The following NUP88 variants were observed in gnomAD, a reference collection of about 807,000 sequenced individuals.
The protein encoded by NUP88 is nuclear pore complex protein Nup88.
In NUP88, 57 loss-of-function variants were observed where a neutral mutation model predicts 93.9. That is an observed-to-expected ratio of 0.61 (90% CI 0.49 to 0.76). The LOEUF is 0.76. Ranked by LOEUF, NUP88 falls within the 30% of genes least tolerant of loss-of-function variation. The pLI is 0.00. For missense variants in NUP88, 911 were observed against 901.0 expected, an observed-to-expected ratio of 1.01 and a Z score of -0.14; for synonymous variants, 346 against 336.8, an observed-to-expected ratio of 1.03 and a Z score of -0.30.
At chr17:5,393,808 C>G in intron 9 of NUP88, among the ~76,000 whole-genome samples, 1 of 152,178 alleles carries the variant, frequency 6.6e-6, no homozygotes, top group East Asian at 1.9e-4. Flanking sequence ...CCCTGTGGTC[C>G]TCTGTATTGC....
At chr17:5,416,158 A>AGTATATATATTTAT (rs1398677145) in intron 2 of NUP88, among the ~76,000 whole-genome samples, 1 of 94,040 alleles carries the variant, frequency 1.1e-5, no homozygotes, top group Non-Finnish European at 2.0e-5. Flanking sequence ...AAAAAAAAAA[A>AGTATATATATTTAT]AAAAAAAAGT....
At chr17:5,410,313 T>G (rs2151645763) in intron 4 of NUP88, among the ~76,000 whole-genome samples, 1 of 152,300 alleles carries the variant, frequency 6.6e-6, no homozygotes, top group East Asian at 1.9e-4. Flanking sequence ...TTTACTGTAG[T>G]TATTCAGGAA....
chr17:5,403,148 A>G (rs188099879), intron 7 of NUP88, among the ~76,000 whole-genome samples: 209 of 152,280 alleles, frequency 1.4e-3, no homozygotes, highest in African/African-American at 4.5e-3. Context: ...GTTTGAGACC[A>G]GCCTGGCCAA....
chr17:5,411,146 A>G (rs566205972), intron 3 of NUP88, among the ~76,000 whole-genome samples: 2 of 152,256 alleles, frequency 1.3e-5, no homozygotes, highest in Non-Finnish European at 2.9e-5. Context: ...ACACACATCT[A>G]TCTCTGCCTA....
At chr17:5,396,802 T>C (rs554929810) in intron 8 of NUP88, among the ~76,000 whole-genome samples, 11 of 152,362 alleles carry the variant, frequency 7.2e-5, no homozygotes, top group Non-Finnish European at 1.0e-4. Context: ...TTAATGTCCA[T>C]CTTTTTCATT....
chr17:5,388,886 C>G lies in NUP88; in HGVS notation c.1559G>C (p.Arg520Pro), dbSNP rs149123666. 5.0e-6 allele frequency: 8 copies of G among 1,613,780 alleles called. No homozygotes were observed. The highest frequency in any genetic ancestry group is 6.8e-6 in the Non-Finnish European group (8 of 1,179,894). Residue 520 changes from arginine to proline, a missense_variant, in exon 11 of 17, where the codon CGT becomes CCT. By Grantham distance (103) the Arg-to-Pro change is moderately radical. Transcript: ENST00000573584. ...EDVEVAESPL[R>P]VLAETPDSFE... ...GGAATCTGGGGTTTCAGCCAGAACA[C>G]GGAGGGGAGACTCTGCCACTTCAAC... is the stretch of plus-strand genomic sequence containing the variant.
intron 8 of NUP88, among the ~76,000 whole-genome samples, chr17:5,397,397 CTT>C (rs998559430): frequency 6.6e-6 from 1 of 151,668 alleles, no homozygotes; most frequent in African/African-American, 2.4e-5. Context: ...TCCGGGCAGA[CTT>C]AATGTTACCA....
intron 7 of NUP88, among the ~76,000 whole-genome samples, chr17:5,400,924 G>T (rs1913122449): frequency 6.6e-6 from 1 of 152,114 alleles, no homozygotes; most frequent in South Asian, 2.1e-4. Flanking sequence ...ATGAGTAGTT[G>T]TTATACAATT....
chr17:5,413,954 A>G, intron 3 of NUP88, 55 bp downstream of exon 3: 1 of 1,594,332 alleles, frequency 6.3e-7, no homozygotes, highest in Middle Eastern at 1.7e-4. Flanking sequence ...TAATTGGCAA[A>G]CAGAAACAGA....
intron 10 of NUP88, 60 bp downstream of exon 10, chr17:5,391,501 C>A: frequency 7.1e-7 from 1 of 1,406,702 alleles, no homozygotes; most frequent in Non-Finnish European, 1.0e-6. Context: ...AGTGCATTTT[C>A]CCAACTTAGA....
chr17:5,416,065 A>C (rs1188817075), intron 2 of NUP88, among the ~76,000 whole-genome samples: 2 of 117,542 alleles, frequency 1.7e-5, no homozygotes, highest in Non-Finnish European at 3.5e-5. Context: ...GAATCGCTTG[A>C]ATCCAGGAGG....
At chr17:5,391,781 T>G in intron 9 of NUP88, 119 bp from the exon 10 acceptor site, 1 of 733,362 alleles carries the variant, frequency 1.4e-6, no homozygotes, top group Non-Finnish European at 2.4e-6. Flanking sequence ...GGACATCCTA[T>G]CAGTACCATA....
At chr17:5,391,420 T>C (rs1912408887) in intron 10 of NUP88, 141 bp downstream of exon 10, 2 of 633,090 alleles carry the variant, frequency 3.2e-6, no homozygotes, top group Non-Finnish European at 5.6e-6. Context: ...AACAGAAATA[T>C]CCATCCTTCC....
At chr17:5,400,715 G>A (rs1413714701) in intron 7 of NUP88, among the ~76,000 whole-genome samples, 1 of 152,142 alleles carries the variant, frequency 6.6e-6, no homozygotes, top group Non-Finnish European at 1.5e-5. Flanking sequence ...AATTGTTGAA[G>A]CAAATGCACT....
In NUP88 at chr17:5,394,875, G is replaced by A. The variant is rs369859181; in HGVS notation, c.1382+16C>T. On this transcript the variant is annotated intron_variant, in intron 9 of 16. Coordinates refer to ENST00000573584, the MANE Select transcript of NUP88 (RefSeq NM_002532.6). Reference sequence around the variant, plus strand: ...AACAATTGTTTTCTGATATACAAGGGAGGGAGAGTCCTTACCTGCAGGGCA... The same window carrying A: ...AACAATTGTTTTCTGATATACAAGGAAGGGAGAGTCCTTACCTGCAGGGCA... The A allele has an allele frequency of 1.7e-4, 265 of 1,553,328 alleles. No individual in the cohort carries two copies. Among genetic ancestry groups the A allele is most frequent in the Admixed American group, 7.2e-4 (43 of 59,882 alleles).
chr17:5,391,861 G>T (rs1410327359), intron 9 of NUP88, among the ~76,000 whole-genome samples, 199 bp from the exon 10 acceptor site: 1 of 152,214 alleles, frequency 6.6e-6, no homozygotes, highest in East Asian at 1.9e-4. Flanking sequence ...ATGTGACTAA[G>T]TCACTCAGGA....
At chr17:5,399,081 T>C (rs1269593218) in intron 8 of NUP88, among the ~76,000 whole-genome samples, 3 of 149,356 alleles carry the variant, frequency 2.0e-5, no homozygotes, top group African/African-American at 7.4e-5. Flanking sequence ...TTAGTAGAGA[T>C]GGGGTTTCAC....
At chr17:5,399,192 T>A (rs1468098796) in intron 8 of NUP88, among the ~76,000 whole-genome samples, 2 of 43,310 alleles carry the variant, frequency 4.6e-5, no homozygotes, top group African/African-American at 2.0e-4. Flanking sequence ...CACCCGGCCT[T>A]TTTTTTTTTT....
At chr17:5,415,393 C>T (rs929993186) in intron 2 of NUP88, among the ~76,000 whole-genome samples, 5 of 152,186 alleles carry the variant, frequency 3.3e-5, no homozygotes, top group African/African-American at 1.2e-4. Flanking sequence ...CATATTTATA[C>T]AGTACAAGTG....
Sources: gnomAD v4.1 joint callset for allele counts (sites outside exome capture counted in the v4.1 genomes callset) on GRCh38, gnomAD v4.1.1 for gene constraint, MANE v1.5 for transcripts, NCBI Gene and HGNC (gene_info 2026-07-23, HGNC 2026-07-21) for gene names.